The following NFX1 variants were observed in gnomAD, a reference collection of about 807,000 sequenced individuals.
NFX1 encodes transcriptional repressor NF-X1.
NFX1 carries 69 observed loss-of-function variants against 137.2 expected under a neutral mutation model. That is an observed-to-expected ratio of 0.50 (90% CI 0.41 to 0.61). The LOEUF is 0.61. NFX1 is among the 20% of genes least tolerant of loss of function. The probability of loss-of-function intolerance (pLI) is 0.00; values close to 1 mark genes in which losing one functional copy is unlikely to be tolerated. For missense variants in NFX1, 1,167 were observed against 1,391.0 expected (o/e 0.84, Z 2.56); for synonymous variants, 495 against 474.1 (o/e 1.04, Z -0.57).
chr9:33,367,691 A>G (rs1824210816), intron 23 of NFX1, 72 bp downstream of exon 23: 1 of 1,444,708 alleles, frequency 6.9e-7, no homozygotes, highest in African/African-American at 1.4e-5. Context: ...AATTGTCCTG[A>G]GCTGCACCAG....
Position 33,364,999 on chromosome 9 carries a change from C to T in NFX1, c.3039+225C>T. On this transcript the variant is annotated intron_variant, in intron 21 of 23. Transcript: ENST00000379540. ...CAGAAAAGATCTACAGTCGGCTGGG[C>T]ACAGTGTCTCATGCCTGTAATGCCA... 1.2e-5 allele frequency: 16 copies of T among 1,342,818 alleles called. No individual in the cohort carries two copies. In the South Asian group the frequency reaches 1.4e-4, roughly 12 times the overall value. 83.2% of individuals were successfully genotyped at this position (1,342,818 alleles called of 1,614,324 possible).
At chr9:33,323,142 C>G (rs1031539192) in intron 9 of NFX1, among the ~76,000 whole-genome samples, 1 of 152,180 alleles carries the variant, frequency 6.6e-6, no homozygotes, top group Non-Finnish European at 1.5e-5. Flanking sequence ...AAACGACTGT[C>G]ATTCCAGGGT....
intron 19 of NFX1, among the ~76,000 whole-genome samples, chr9:33,362,892 C>T (rs1337324142): frequency 3.3e-5 from 5 of 151,674 alleles, no homozygotes; most frequent in East Asian, 1.9e-4. Flanking sequence ...TTAGTAGAGA[C>T]GAGGTTTCTC....
chr9:33,357,134 C>T (rs1293868895), intron 19 of NFX1, among the ~76,000 whole-genome samples: 1 of 151,546 alleles, frequency 6.6e-6, no homozygotes, highest in African/African-American at 2.4e-5. Context: ...AACCCCATCT[C>T]TACTAAAAAT....
intron 16 of NFX1, 42 bp from the exon 17 acceptor site, chr9:33,352,604 T>C: frequency 6.5e-7 from 1 of 1,532,824 alleles, no homozygotes; most frequent in Non-Finnish European, 9.0e-7. Flanking sequence ...ATTCACATAG[T>C]TCCAGTGTGC....
intron 2 of NFX1, 114 bp from the exon 3 acceptor site, chr9:33,301,149 A>G: frequency 1.0e-6 from 1 of 979,484 alleles, no homozygotes; most frequent in Non-Finnish European, 1.5e-6. Flanking sequence ...ATCCCTTAAA[A>G]TCTCTGTGTT....
At chr9:33,333,955 G>A (rs192561675) in intron 11 of NFX1, among the ~76,000 whole-genome samples, 2 of 152,288 alleles carry the variant, frequency 1.3e-5, no homozygotes, top group Non-Finnish European at 2.9e-5. Context: ...GGCCAGCCTA[G>A]CCAACATGGT....
intron 10 of NFX1, among the ~76,000 whole-genome samples, chr9:33,328,886 G>A (rs1283543900): frequency 6.6e-6 from 1 of 152,148 alleles, no homozygotes; most frequent in East Asian, 1.9e-4. Flanking sequence ...GGGAACAGTA[G>A]CACTGTTGCA....
At chr9:33,328,799 A>G in intron 10 of NFX1, 121 bp downstream of exon 10, 1 of 745,864 alleles carries the variant, frequency 1.3e-6, no homozygotes, top group Non-Finnish European at 2.2e-6. Flanking sequence ...TGTGGCACTC[A>G]AGGTCCAGAG....
At chr9:33,291,395 C>T (rs1305346805) in intron 1 of NFX1, among the ~76,000 whole-genome samples, 4 of 152,196 alleles carry the variant, frequency 2.6e-5, no homozygotes, top group Non-Finnish European at 5.9e-5. Flanking sequence ...ATTCTGTTTT[C>T]TGTTTCGTTT....
intron 5 of NFX1, among the ~76,000 whole-genome samples, chr9:33,310,535 A>G (rs549958351): frequency 6.6e-6 from 1 of 152,154 alleles, no homozygotes; most frequent in Non-Finnish European, 1.5e-5. Flanking sequence ...CACTCAGCCC[A>G]GTTCTTTCCA....
At chr9:33,365,012 G>A (rs1161295104) in intron 21 of NFX1, 1 of 1,298,944 alleles carries the variant, frequency 7.7e-7, no homozygotes, top group Non-Finnish European at 9.8e-7. Flanking sequence ...AGTGTCTCAT[G>A]CCTGTAATGC....
At chr9:33,369,361 C>A (rs1436540309) in intron 23 of NFX1, among the ~76,000 whole-genome samples, 1 of 152,064 alleles carries the variant, frequency 6.6e-6, no homozygotes, top group Non-Finnish European at 1.5e-5. Flanking sequence ...CCACACCTGG[C>A]CATCCCATGC....
intron 9 of NFX1, among the ~76,000 whole-genome samples, chr9:33,324,861 G>A (rs951279676): frequency 1.9e-4 from 29 of 151,636 alleles, no homozygotes; most frequent in Non-Finnish European, 2.8e-4. Flanking sequence ...CCTGGGAGGC[G>A]GAGGTTGCAG....
chr9:33,326,735 C>G (rs1462894722), intron 9 of NFX1, among the ~76,000 whole-genome samples: 1 of 152,036 alleles, frequency 6.6e-6, no homozygotes, highest in East Asian at 1.9e-4. Context: ...ATTAATAAAG[C>G]TATAAATATA....
intron 15 of NFX1, chr9:33,347,652 G>A (rs370641924): frequency 4.4e-5 from 17 of 387,424 alleles, no homozygotes; most frequent in East Asian, 1.7e-4. Flanking sequence ...TAGATTTACC[G>A]TTTGATCCAG....
chr9:33,313,637 A>C lies in NFX1; in HGVS notation c.1449-17A>C. On this transcript the variant is annotated splice_polypyrimidine_tract_variant and intron_variant, in intron 6 of 23. Transcript: ENST00000379540. ...ACTTTTACACTGATGCTGTCTTTAC[A>C]TCTATTGTCTTTACAGGCACACAGT... 6.2e-7 allele frequency: 1 copy of C among 1,613,462 alleles called. No individual in the cohort carries two copies. The highest frequency in any genetic ancestry group is 8.5e-7 in the Non-Finnish European group (1 of 1,179,492).
chr9:33,342,874 A>T lies in NFX1; in HGVS notation c.2224+20A>T, dbSNP rs765084768. 84 of 1,511,354 alleles carry T rather than the reference A, an allele frequency of 5.6e-5. No homozygotes were observed. The highest frequency in any genetic ancestry group is 7.2e-5 in the Non-Finnish European group (79 of 1,100,634). The allele number at this position is 1,511,354 out of a possible 1,614,324, so 93.6% of individuals were successfully genotyped here. On this transcript the variant is annotated intron_variant, in intron 13 of 23. Transcript: ENST00000379540. Reference sequence around the variant, plus strand: ...AAGCCAGTGAGTGTCTTTACTGTATAGTTTATTAGAAGAGTTTTTTAGAAA... The same window carrying T: ...AAGCCAGTGAGTGTCTTTACTGTATTGTTTATTAGAAGAGTTTTTTAGAAA...
intron 11 of NFX1, among the ~76,000 whole-genome samples, chr9:33,335,978 A>G (rs1193629026): frequency 7.2e-5 from 11 of 152,174 alleles, no homozygotes; most frequent in African/African-American, 2.4e-4. Context: ...GCTATTGTGA[A>G]TAGTGCTGTT....
Sources: gnomAD v4.1 joint callset for allele counts (sites outside exome capture counted in the v4.1 genomes callset) on GRCh38, gnomAD v4.1.1 for gene constraint, MANE v1.5 for transcripts, NCBI Gene and HGNC (gene_info 2026-07-23, HGNC 2026-07-21) for gene names.